Variants in KHDRBS2 observed in about 807,000 individuals in gnomAD.
KHDRBS2 encodes the protein KH domain-containing, RNA-binding, signal transduction-associated protein 2.
Under a neutral mutation model 44.3 loss-of-function variants are expected in KHDRBS2, and 26 were observed. The observed-to-expected ratio is 0.59, with a 90% confidence interval of 0.43 to 0.81. KHDRBS2 has a LOEUF of 0.81. KHDRBS2 is among the 40% of genes least tolerant of loss of function. The pLI, the probability that KHDRBS2 is intolerant of heterozygous loss-of-function variation, is 0.00. For synonymous variants in KHDRBS2, 194 were observed against 151.1 expected (o/e 1.28, Z -2.08); for missense variants, 476 against 433.1 (o/e 1.10, Z -0.88).
the KHDRBS2 span, among the ~76,000 whole-genome samples, chr6:61,577,136 T>A: frequency 4.3e-5 from 4 of 93,448 alleles, no homozygotes; most frequent in African/African-American, 1.6e-4. Flanking sequence ...AGTTTTTGTT[T>A]TTTTTGTTTT....
Position 61,945,109 on chromosome 6 carries a change from A to ATGT in KHDRBS2, c.483+32956_483+32957insACA, listed in dbSNP as rs1256689275. ...CTGTCTTAAAAAAAAAAAAAAAAAA[A>ATGT]AAAGTATATATATATATATATATAT... On this transcript the variant is annotated intron_variant, in intron 4 of 8. Transcript: ENST00000281156. Among the ~76,000 whole-genome samples the ATGT allele has an allele frequency of 3.8e-3, 140 of 36,528 alleles. 6 individuals are homozygous for ATGT. The highest frequency in any genetic ancestry group is 0.03 in the South Asian group (26 of 870). 24.0% of individuals were successfully genotyped at this position (36,528 alleles called of 152,430 possible).
chr6:62,077,819 A>T (rs1796634946), intron 2 of KHDRBS2, among the ~76,000 whole-genome samples: 1 of 152,072 alleles, frequency 6.6e-6, no homozygotes, highest in African/African-American at 2.4e-5. Flanking sequence ...GAATTAATTG[A>T]TAAATGAATA....
Position 61,804,191 on chromosome 6 carries a change from G to A in KHDRBS2, c.811-71427C>T, listed in dbSNP as rs1003303914. Among the ~76,000 whole-genome samples, 7 of 152,042 alleles carry A rather than the reference G, an allele frequency of 4.6e-5. No homozygotes were observed. In the East Asian group the frequency reaches 5.8e-4, roughly 13 times the overall value. On this transcript the variant is annotated intron_variant, in intron 6 of 8. Transcript: ENST00000281156. ...GGGAATGGGGGAAATTGGCCAAAAC[G>A]AAGGGACTACCGGCCCCTTGCAAGT...
At chr6:62,003,152 TC>T (rs1778579560) in intron 3 of KHDRBS2, among the ~76,000 whole-genome samples, 1 of 151,982 alleles carries the variant, frequency 6.6e-6, no homozygotes, top group Non-Finnish European at 1.5e-5. Context: ...TAACACTGTC[TC>T]CAAGTCATGG....
At chr6:61,840,773 C>A (rs1793483037) in intron 6 of KHDRBS2, among the ~76,000 whole-genome samples, 1 of 151,960 alleles carries the variant, frequency 6.6e-6, no homozygotes. Context: ...GAAATTTGAG[C>A]CAAGAAGAAA....
At chr6:61,983,732 C>A (rs1304810117) in intron 3 of KHDRBS2, among the ~76,000 whole-genome samples, 3 of 151,940 alleles carry the variant, frequency 2.0e-5, no homozygotes, top group Non-Finnish European at 4.4e-5. Context: ...ATAATCAAGC[C>A]AAATCAAATG....
chr6:62,130,389 G>A (rs1325662695), intron 2 of KHDRBS2, among the ~76,000 whole-genome samples: 1 of 152,100 alleles, frequency 6.6e-6, no homozygotes, highest in Non-Finnish European at 1.5e-5. Flanking sequence ...CTGAACTAAA[G>A]TATACAATCT....
intron 6 of KHDRBS2, among the ~76,000 whole-genome samples, chr6:61,856,578 A>C (rs1796185018): frequency 6.6e-6 from 1 of 151,762 alleles, no homozygotes; most frequent in Admixed American, 6.6e-5. Context: ...AAGAATTGTG[A>C]AGTATTTCTT....
At chr6:62,158,853 T>A (rs1817015428) in intron 2 of KHDRBS2, among the ~76,000 whole-genome samples, 1 of 151,962 alleles carries the variant, frequency 6.6e-6, no homozygotes. Flanking sequence ...CTCTAAATAA[T>A]CAAAAACAAT....
intron 3 of KHDRBS2, among the ~76,000 whole-genome samples, chr6:62,001,028 T>C (rs142160267): frequency 6.6e-6 from 1 of 152,322 alleles, no homozygotes; most frequent in African/African-American, 2.4e-5. Flanking sequence ...TCACCATTTG[T>C]GCTTGAGCAA....
chr6:61,698,458 T>A (rs1468772652), intron 7 of KHDRBS2, among the ~76,000 whole-genome samples: 1 of 152,282 alleles, frequency 6.6e-6, no homozygotes, highest in South Asian at 2.1e-4. Context: ...CAGCTATCAC[T>A]GAGTTAAAGT....
At position 62,034,935 on chromosome 6, in the gene KHDRBS2, A is replaced by G. The variant is rs554778505; in HGVS notation, c.336+12943T>C. On this transcript the variant is annotated intron_variant, in intron 3 of 8. Coordinates refer to ENST00000281156, the MANE Select transcript of KHDRBS2 (RefSeq NM_152688.4). ...TAATGCAAATTAAAACTACAATGAG[A>G]TATCATCTGACCCCAATTAAAATGG... 2.0e-5 allele frequency among the ~76,000 whole-genome samples: 3 copies of G among 152,156 alleles called. No homozygotes were observed. The South Asian group carries it at 6.2e-4, about 31-fold the overall frequency.
intron 2 of KHDRBS2, among the ~76,000 whole-genome samples, chr6:62,175,080 A>G (rs1370946253): frequency 1.3e-5 from 2 of 151,654 alleles, no homozygotes; most frequent in Admixed American, 6.6e-5. Context: ...AATAAGACAT[A>G]GTTTGTTTTC....
chr6:62,177,498 AAG>A (rs1585076384), intron 1 of KHDRBS2, among the ~76,000 whole-genome samples, 186 bp from the exon 2 acceptor site: 1 of 151,452 alleles, frequency 6.6e-6, no homozygotes, highest in East Asian at 1.9e-4. Flanking sequence ...TACTGTATGT[AAG>A]AGAACCTCTG....
At chr6:61,739,414 G>C (rs1276617206) in intron 6 of KHDRBS2, among the ~76,000 whole-genome samples, 2 of 151,826 alleles carry the variant, frequency 1.3e-5, no homozygotes, top group African/African-American at 4.8e-5. Context: ...CTCTGAATTA[G>C]ACAATGGTTT....
At chr6:61,696,912 C>A (rs1411972389) in intron 8 of KHDRBS2, among the ~76,000 whole-genome samples, 3 of 152,096 alleles carry the variant, frequency 2.0e-5, no homozygotes, top group Non-Finnish European at 2.9e-5. Flanking sequence ...ATGAGTCAGA[C>A]AATGAACACA....
intron 6 of KHDRBS2, among the ~76,000 whole-genome samples, chr6:61,853,770 G>T (rs1256145651): frequency 2.0e-5 from 3 of 152,160 alleles, no homozygotes; most frequent in Non-Finnish European, 4.4e-5. Context: ...GATGGTTTTT[G>T]GGCTGATGCA....
chr6:62,018,315 G>A (rs200234814), intron 3 of KHDRBS2, among the ~76,000 whole-genome samples: 1,400 of 18,672 alleles, frequency 0.075, 18 homozygotes, highest in African/African-American at 0.11. Context: ...GTGTGTGTGT[G>A]TGTGTGTGTG....
intron 1 of KHDRBS2, among the ~76,000 whole-genome samples, chr6:62,247,491 G>A (rs1290319234): frequency 6.6e-6 from 1 of 151,870 alleles, no homozygotes; most frequent in Non-Finnish European, 1.5e-5. Flanking sequence ...AAGTAACAAT[G>A]GTATATCTTA....
Sources: allele counts gnomAD v4.1 joint callset (sites outside exome capture counted in the v4.1 genomes callset), GRCh38; gene constraint gnomAD v4.1.1; transcripts MANE v1.5; gene names NCBI Gene and HGNC (gene_info 2026-07-23, HGNC 2026-07-21).